Variants in CFH observed in about 807,000 individuals in gnomAD.
CFH encodes the protein complement factor H, also known as H factor 1 (complement).
Under a neutral mutation model 147.3 loss-of-function variants are expected in CFH, and 53 were observed. That is an observed-to-expected ratio of 0.36 (90% CI 0.29 to 0.45). The LOEUF is 0.45. Ranked by LOEUF, CFH falls within the 20% of genes least tolerant of loss-of-function variation. The pLI is 1.00. For missense variants in CFH, 1,380 were observed against 1,498.0 expected (o/e 0.92, Z 1.30); for synonymous variants, 536 against 489.4 (o/e 1.10, Z -1.26).
At chr1:196,655,836 A>T (rs1252829217) in intron 1 of CFH, among the ~76,000 whole-genome samples, 1 of 152,226 alleles carries the variant, frequency 6.6e-6, no homozygotes, top group African/African-American at 2.4e-5. Context: ...GCTTAAAATT[A>T]TAAGGAGTCA....
chr1:196,722,264 G>T (rs1341660010), intron 11 of CFH, among the ~76,000 whole-genome samples: 2 of 151,982 alleles, frequency 1.3e-5, no homozygotes, highest in Non-Finnish European at 2.9e-5. Flanking sequence ...TAGTGGTGAT[G>T]AACTTCCTTA....
intron 11 of CFH, among the ~76,000 whole-genome samples, chr1:196,719,725 G>A (rs1385047601): frequency 6.6e-6 from 1 of 151,284 alleles, no homozygotes; most frequent in Admixed American, 6.6e-5. Flanking sequence ...ACATGTAAGA[G>A]ATAATTTTAC....
intron 20 of CFH, among the ~76,000 whole-genome samples, chr1:196,744,719 G>GA (rs1652940667): frequency 6.6e-6 from 1 of 152,082 alleles, no homozygotes; most frequent in South Asian, 2.1e-4. Flanking sequence ...GAACATAATT[G>GA]AAAAAACTTA....
chr1:196,671,699 C>T lies in CFH; in HGVS notation c.59-1279C>T, dbSNP rs531784645. On this transcript the variant is annotated intron_variant, in intron 1 of 21. Transcript: ENST00000367429. ...TATATATATACTATATATGTGTGTA[C>T]ATATATTAGACTTTTGAGATAGAAG... 6.5e-4 allele frequency among the ~76,000 whole-genome samples: 95 copies of T among 146,070 alleles called. 2 individuals carry two copies. The South Asian group carries it at 0.016, about 25-fold the overall frequency.
intron 9 of CFH, among the ~76,000 whole-genome samples, chr1:196,695,804 G>T (rs759341877): frequency 1.3e-5 from 2 of 152,008 alleles, no homozygotes; most frequent in Admixed American, 1.3e-4. Context: ...TTGGCTTTCT[G>T]TCTATTACTG....
At chr1:196,684,431 AC>A (rs1558159312) in intron 6 of CFH, among the ~76,000 whole-genome samples, 1 of 151,946 alleles carries the variant, frequency 6.6e-6, no homozygotes, top group Non-Finnish European at 1.5e-5. Flanking sequence ...ATTCATGTTC[AC>A]TGTCAATGTA....
intron 9 of CFH, among the ~76,000 whole-genome samples, chr1:196,703,903 G>C (rs1668521908): frequency 1.5e-5 from 2 of 137,406 alleles, no homozygotes; most frequent in East Asian, 4.6e-4. Context: ...AGAACGGCGT[G>C]AATCGGGGAG....
At chr1:196,725,028 C>A (rs1669102964) in intron 11 of CFH, 93 bp from the exon 12 acceptor site, 1 of 1,046,646 alleles carries the variant, frequency 9.6e-7, no homozygotes, top group Non-Finnish European at 1.4e-6. Flanking sequence ...CTGTATGACC[C>A]AATATCAACC....
intron 20 of CFH, among the ~76,000 whole-genome samples, chr1:196,744,013 T>C (rs1652912702): frequency 6.6e-6 from 1 of 152,142 alleles, no homozygotes; most frequent in Non-Finnish European, 1.5e-5. Context: ...GCATCTTCAG[T>C]ATATGGATTA....
At position 196,677,514 on chromosome 1, in the gene CFH, A is replaced by G. The variant is rs1261238884; in HGVS notation, c.466A>G (p.Lys156Glu). 1.9e-6 allele frequency: 3 copies of G among 1,613,114 alleles called. No homozygotes were observed. The highest frequency in any genetic ancestry group is 2.5e-6 in the Non-Finnish European group (3 of 1,179,412). The change falls in exon 5 of 22, where the codon AAA (lysine) becomes GAA (glutamate). Residue 156 changes from lysine to glutamate, a missense_variant. Lys to Glu is a moderately conservative substitution (Grantham distance 56). Around this residue, in one of 4 missense-constraint regions of CFH, gnomAD observed 260 missense variants for 263.3 expected, o/e 0.99. Coordinates refer to ENST00000367429, the MANE Select transcript of CFH (RefSeq NM_000186.4). ...CLPVTAPENG[K>E]IVSSAMEPDR... The stretch of plus-strand genomic sequence containing the variant: ...ACCAGTGACAGCACCAGAGAATGGA[A>G]AAATTGTCAGTAGTGCAATGGAACC...
intron 1 of CFH, among the ~76,000 whole-genome samples, chr1:196,668,005 T>G (rs1667154798): frequency 6.6e-6 from 1 of 152,152 alleles, no homozygotes; most frequent in East Asian, 1.9e-4. Context: ...TTTCATATTA[T>G]ACTCTTGAAT....
chr1:196,692,348 C>T lies in CFH; in HGVS notation c.1336+2109C>T, dbSNP rs913209301. ...GTCTCATCATTCAGTGTCAGATGAT[C>T]CCATTACTTTTATTTTTTTCTTCAC... is the stretch of plus-strand genomic sequence containing the variant. On this transcript the variant is annotated intron_variant, in intron 9 of 21. Transcript: ENST00000367429. 2.2e-5 allele frequency: 17 copies of T among 757,564 alleles called. No individual in the cohort carries two copies. In the African/African-American group the frequency reaches 3.0e-4, roughly 13 times the overall value. The allele number at this position is 757,564 out of a possible 1,614,324, so 46.9% of individuals were successfully genotyped here. A position where few individuals can be genotyped will look rare whatever the true frequency, so the allele number is the denominator to read the frequency against.
At chr1:196,724,839 TTAA>T (rs1232122355) in intron 11 of CFH, among the ~76,000 whole-genome samples, 7 of 152,186 alleles carry the variant, frequency 4.6e-5, no homozygotes, top group African/African-American at 1.7e-4. Flanking sequence ...TTAAATTTCA[TTAA>T]TGTCAGTGAT....
chr1:196,724,667 T>C (rs1201978152), intron 11 of CFH, among the ~76,000 whole-genome samples: 1 of 144,004 alleles, frequency 6.9e-6, no homozygotes, highest in South Asian at 2.1e-4. Flanking sequence ...TTTCAAGTTA[T>C]GATCATTTAC....
intron 9 of CFH, among the ~76,000 whole-genome samples, chr1:196,708,006 G>A (rs1355100416): frequency 6.6e-6 from 1 of 152,102 alleles, no homozygotes; most frequent in African/African-American, 2.4e-5. Flanking sequence ...CAATACAATT[G>A]TTAGACTTAT....
At chr1:196,670,692 T>C (rs1667246932) in intron 1 of CFH, among the ~76,000 whole-genome samples, 1 of 152,222 alleles carries the variant, frequency 6.6e-6, no homozygotes, top group Admixed American at 6.5e-5. Context: ...TGAGTATTTC[T>C]TCATAGCTGT....
intron 8 of CFH, 117 bp from the exon 9 acceptor site, chr1:196,689,946 T>C (rs1667966141): frequency 1.7e-6 from 2 of 1,196,038 alleles, no homozygotes; most frequent in Admixed American, 5.1e-5. Context: ...TTATACATTA[T>C]TTTTGGATGT....
intron 11 of CFH, among the ~76,000 whole-genome samples, chr1:196,719,162 T>G: frequency 6.6e-6 from 1 of 152,058 alleles, no homozygotes; most frequent in East Asian, 1.9e-4. Context: ...AAAATATTTC[T>G]AATTCATGGA....
intron 9 of CFH, among the ~76,000 whole-genome samples, chr1:196,712,523 A>AT (rs1668745677): frequency 6.6e-6 from 1 of 151,266 alleles, no homozygotes; most frequent in Non-Finnish European, 1.5e-5. Flanking sequence ...TCCTCTTCTG[A>AT]TTTTCTCCTT....
Sources: gnomAD v4.1 joint callset for allele counts (sites outside exome capture counted in the v4.1 genomes callset) on GRCh38, gnomAD v4.1.1 for gene constraint, gnomAD v4.1.1 regional missense constraint, MANE v1.5 for transcripts, NCBI Gene and HGNC (gene_info 2026-07-23, HGNC 2026-07-21) for gene names.